The following FBLN7 variants were observed in gnomAD, a reference collection of about 807,000 sequenced individuals.
FBLN7 encodes fibulin-7.
FBLN7 carries 31 observed loss-of-function variants against 44.0 expected under a neutral mutation model. That is an observed-to-expected ratio of 0.70 (90% CI 0.53 to 0.95). The LOEUF (loss-of-function observed/expected upper bound fraction) is 0.95. Ranked by LOEUF, FBLN7 falls within the 40% of genes least tolerant of loss-of-function variation. FBLN7 has a pLI of 0.00. For missense variants in FBLN7, 573 were observed against 618.5 expected, an observed-to-expected ratio of 0.93 and a Z score of 0.78; for synonymous variants, 262 against 253.4, an observed-to-expected ratio of 1.03 and a Z score of -0.32.
chr2:112,140,677 G>T (rs1680597910), intron 1 of FBLN7, among the ~76,000 whole-genome samples: 1 of 152,184 alleles, frequency 6.6e-6, no homozygotes, highest in African/African-American at 2.4e-5. Context: ...CACCTAATTA[G>T]CTTAGAGAAC....
At chr2:112,147,027 G>C (rs1680931276) in intron 1 of FBLN7, among the ~76,000 whole-genome samples, 1 of 152,034 alleles carries the variant, frequency 6.6e-6, no homozygotes, top group African/African-American at 2.4e-5. Context: ...TTTTTCACAT[G>C]CTTTTTTTCT....
At chr2:112,237,752 T>G in the FBLN7 span, among the ~76,000 whole-genome samples, 1 of 151,952 alleles carries the variant, frequency 6.6e-6, no homozygotes, top group Admixed American at 6.6e-5. Context: ...CTTTTTTTTA[T>G]TTTTAGGTTT....
At chr2:112,180,713 G>A (rs1277471307) in intron 4 of FBLN7, among the ~76,000 whole-genome samples, 1 of 152,038 alleles carries the variant, frequency 6.6e-6, no homozygotes, top group African/African-American at 2.4e-5. Flanking sequence ...GAAGTCAGGA[G>A]ATCAAGACCA....
At chr2:112,144,523 C>CTTTTTTTTTTTTTTTTTTTTTTTTT (rs35764058) in intron 1 of FBLN7, among the ~76,000 whole-genome samples, 2 of 123,796 alleles carry the variant, frequency 1.6e-5, no homozygotes, top group Non-Finnish European at 3.4e-5. Flanking sequence ...GTTTTCTTTT[C>CTTTTTTTTTTTTTTTTTTTTTTTTT]TTTTTTTTTT....
At chr2:112,220,832 A>G in the FBLN7 span, among the ~76,000 whole-genome samples, 1 of 152,186 alleles carries the variant, frequency 6.6e-6, no homozygotes, top group African/African-American at 2.4e-5. Flanking sequence ...AAAAACAAAC[A>G]AAAAAGATCC....
the FBLN7 span, among the ~76,000 whole-genome samples, chr2:112,201,507 AT>A: frequency 6.6e-6 from 1 of 152,134 alleles, no homozygotes; most frequent in South Asian, 2.1e-4. Context: ...AGTCAAGGGC[AT>A]TTTTCCCTTC....
Position 112,165,113 on chromosome 2 carries a change from C to T in FBLN7, c.348C>T (p.Pro116=), listed in dbSNP as rs767227430. Residue 116 remains proline (P), a synonymous_variant, in exon 3 of 8, where the codon CCC becomes CCT. Transcript: ENST00000331203. ...TCNPGFRLVG[P]SSVVCLPNGT... The stretch of plus-strand genomic sequence containing the variant: ...ACCCTGGGTTCCGGCTGGTCGGGCC[C>T]AGCAGCGTGGTGTGTCTTCCCAATG... 6.2e-7 allele frequency: 1 copy of T among 1,614,210 alleles called. No individual in the cohort carries two copies. Among genetic ancestry groups the T allele is most frequent in the Admixed American group, 1.7e-5 (1 of 60,018 alleles).
intron 3 of FBLN7, among the ~76,000 whole-genome samples, chr2:112,168,919 C>A (rs529428461): frequency 3.1e-4 from 47 of 152,310 alleles, no homozygotes; most frequent in African/African-American, 1.0e-3. Flanking sequence ...CTTGGAAAGA[C>A]AGTGATGAAC....
chr2:112,235,501 A>G, the FBLN7 span, among the ~76,000 whole-genome samples: 1 of 152,198 alleles, frequency 6.6e-6, no homozygotes, highest in Non-Finnish European at 1.5e-5. Context: ...CAGATTCCTC[A>G]TTCATAAAAT....
At chr2:112,164,701 C>T (rs1682050761) in intron 2 of FBLN7, among the ~76,000 whole-genome samples, 1 of 152,206 alleles carries the variant, frequency 6.6e-6, no homozygotes, top group Non-Finnish European at 1.5e-5. Flanking sequence ...GAGTAGGTGG[C>T]AGTGATGAAG....
chr2:112,146,919 G>C (rs1573764055), intron 1 of FBLN7, among the ~76,000 whole-genome samples: 4 of 152,256 alleles, frequency 2.6e-5, no homozygotes, highest in African/African-American at 9.6e-5. Flanking sequence ...CATTGAGTAT[G>C]GTTCTGGCTG....
the FBLN7 span, among the ~76,000 whole-genome samples, chr2:112,228,077 G>C: frequency 5.3e-5 from 8 of 152,234 alleles, no homozygotes; most frequent in Non-Finnish European, 7.3e-5. Flanking sequence ...CACTGTGATA[G>C]TGTATAAGGA....
intron 2 of FBLN7, among the ~76,000 whole-genome samples, chr2:112,160,612 C>T (rs1029064818): frequency 2.0e-5 from 3 of 152,132 alleles, no homozygotes; most frequent in East Asian, 1.9e-4. Context: ...GAAAGCACTG[C>T]GTTCCTCCAC....
At chr2:112,153,484 C>G (rs1349826320) in intron 1 of FBLN7, among the ~76,000 whole-genome samples, 1 of 152,148 alleles carries the variant, frequency 6.6e-6, no homozygotes, top group Non-Finnish European at 1.5e-5. Context: ...GTGAGGAAGA[C>G]CATCGAGCCA....
At chr2:112,165,289 A>C in intron 3 of FBLN7, 118 bp downstream of exon 3, 1 of 1,280,572 alleles carries the variant, frequency 7.8e-7, no homozygotes, top group Non-Finnish European at 1.1e-6. Context: ...ATCATTCCTC[A>C]ACCACAGAAC....
rs777226796 is a variant in FBLN7 at position 112,187,086 on chromosome 2, A to G, written c.948-48A>G. Reference sequence around the variant, plus strand: ...GGCAGCCGGGTCAGAGCAGCTCTTCATGAGACTCCCCAAGGCTGACTGCCT... The same window carrying G: ...GGCAGCCGGGTCAGAGCAGCTCTTCGTGAGACTCCCCAAGGCTGACTGCCT... On this transcript the variant is annotated intron_variant, in intron 7 of 7. Transcript: ENST00000331203. The surrounding 1 kb of genome is among the most constrained non-coding windows in gnomAD (Gnocchi z 5.1). 26 of 1,591,570 alleles carry G rather than the reference A, an allele frequency of 1.6e-5. No individual in the cohort carries two copies. In the Admixed American group the frequency reaches 2.7e-4, roughly 17 times the overall value.
the FBLN7 span, chr2:112,211,728 T>TA: frequency 6.7e-6 from 1 of 150,104 alleles, no homozygotes; most frequent in East Asian, 2.0e-4. Context: ...TAGCTCAGAG[T>TA]AACATACAAT....
the FBLN7 span, among the ~76,000 whole-genome samples, chr2:112,203,191 T>C: frequency 5.9e-5 from 9 of 152,210 alleles, no homozygotes; most frequent in African/African-American, 2.2e-4. Flanking sequence ...TAAGTTCTTA[T>C]CTCAGGCCAG....
In FBLN7 at chr2:112,162,290, G is replaced by A. The variant is rs115652362; in HGVS notation, c.235+2455G>A. Among the ~76,000 whole-genome samples the A allele has an allele frequency of 5.8e-3, 879 of 151,710 alleles. 15 individuals are homozygous for A. The highest frequency in any genetic ancestry group is 0.02 in the African/African-American group (824 of 41,350). ...TTCGCAAAGTGCTGGGATTACAGGCGGGTGCTCCTGTGCCAGGCCTGTTTT... is the reference window on the plus strand; with the variant it reads ...TTCGCAAAGTGCTGGGATTACAGGCAGGTGCTCCTGTGCCAGGCCTGTTTT... On this transcript the variant is annotated intron_variant, in intron 2 of 7. Coordinates refer to ENST00000331203, the MANE Select transcript of FBLN7 (RefSeq NM_153214.3).
Sources: gnomAD v4.1 joint callset for allele counts (sites outside exome capture counted in the v4.1 genomes callset) on GRCh38, gnomAD v4.1.1 for gene constraint, Gnocchi (gnomAD v3.1) non-coding constraint, MANE v1.5 for transcripts, NCBI Gene and HGNC (gene_info 2026-07-23, HGNC 2026-07-21) for gene names.